The following TMEM50B variants were observed in gnomAD, a reference collection of about 807,000 sequenced individuals.
TMEM50B encodes HCV p7-trans-regulated protein 3.
TMEM50B carries 14 observed loss-of-function variants against 23.4 expected under a neutral mutation model. That is an observed-to-expected ratio of 0.60 (90% CI 0.39 to 0.93). The LOEUF (loss-of-function observed/expected upper bound fraction) is 0.93. Ranked by LOEUF, TMEM50B falls within the 40% of genes least tolerant of loss-of-function variation. The pLI, the probability that TMEM50B is intolerant of heterozygous loss-of-function variation, is 0.00. For missense variants in TMEM50B, 159 were observed against 193.0 expected (o/e 0.82, Z 1.04); for synonymous variants, 64 against 62.3 (o/e 1.03, Z -0.13).
At chr21:33,456,893 A>T (rs1189285181) in intron 5 of TMEM50B, among the ~76,000 whole-genome samples, 1 of 152,246 alleles carries the variant, frequency 6.6e-6, no homozygotes, top group Non-Finnish European at 1.5e-5. Flanking sequence ...AAATCTGTAC[A>T]GTAAAAGATT....
chr21:33,461,566 G>T (rs894105432), intron 4 of TMEM50B, among the ~76,000 whole-genome samples: 4 of 152,096 alleles, frequency 2.6e-5, no homozygotes, highest in Non-Finnish European at 5.9e-5. Context: ...AAATTTGGGA[G>T]GCCAAGGTGG....
In TMEM50B at chr21:33,443,402, T is replaced by TC. The variant is rs747819481; in HGVS notation, c.*2037-4106dup. On this transcript the variant is annotated intron_variant and NMD_transcript_variant, in intron 7 of 8. Transcript: ENST00000420455. ...CCAGTAGTCGGGGCTGTGGGTACAT[T>TC]CCTGTAGGCTGTGCACCGCACAACC... is the stretch of plus-strand genomic sequence containing the variant. Among the ~76,000 whole-genome samples, 222 of 114,892 alleles carry TC rather than the reference T, an allele frequency of 1.9e-3. 1 individual carries two copies. Among genetic ancestry groups the TC allele is most frequent in the Admixed American group, 2.5e-3 (26 of 10,360 alleles). 75.4% of individuals were successfully genotyped at this position (114,892 alleles called of 152,430 possible). A position where few individuals can be genotyped will look rare whatever the true frequency, so the allele number is the denominator to read the frequency against.
chr21:33,467,168 C>T (rs2084272208), intron 2 of TMEM50B, 46 bp from the exon 3 acceptor site: 1 of 1,470,910 alleles, frequency 6.8e-7, no homozygotes, highest in African/African-American at 1.4e-5. Context: ...CTCTTGCTAG[C>T]ACAATACCTG....
rs913592717 is a variant in TMEM50B at position 33,465,188 on chromosome 21, G to A, written c.280+154C>T. On this transcript the variant is annotated intron_variant, in intron 4 of 6. Coordinates refer to ENST00000542230, the MANE Select transcript of TMEM50B (RefSeq NM_006134.7). Reference sequence around the variant, plus strand: ...TCTAGCAATAACTTACTTTCTTAAGGATTTGAATAACACTAAAACTTTGTT... The same window carrying A: ...TCTAGCAATAACTTACTTTCTTAAGAATTTGAATAACACTAAAACTTTGTT... The A allele has an allele frequency of 4.2e-5, 22 of 524,740 alleles. 1 individual carries two copies. The South Asian group carries it at 7.9e-4, about 19-fold the overall frequency. 32.5% of individuals were successfully genotyped at this position (524,740 alleles called of 1,614,324 possible). A position where few individuals can be genotyped will look rare whatever the true frequency, so the allele number is the denominator to read the frequency against.
rs904711427 is a variant in TMEM50B at position 33,465,324 on chromosome 21, A to G, written c.280+18T>C. 11 of 1,607,328 alleles carry G rather than the reference A, an allele frequency of 6.8e-6. No individual in the cohort carries two copies. The highest frequency in any genetic ancestry group is 8.5e-6 in the Non-Finnish European group (10 of 1,175,792). On this transcript the variant is annotated intron_variant, in intron 4 of 6. Transcript: ENST00000542230. Reference sequence around the variant, plus strand: ...TTCTGTTTTGTCAACACCCATTAACAGCTCAAAGTATCTTTACCTGTTCTT... The same window carrying G: ...TTCTGTTTTGTCAACACCCATTAACGGCTCAAAGTATCTTTACCTGTTCTT...
chr21:33,453,568 G>A (rs2834225), intron 6 of TMEM50B, among the ~76,000 whole-genome samples: 88,977 of 151,614 alleles, frequency 0.59, 28,150 homozygotes, highest in East Asian at 0.83. Flanking sequence ...TAATGGCTGA[G>A]AAGAATCTAG....
downstream of TMEM50B, among the ~76,000 whole-genome samples, chr21:33,445,715 T>C (rs2084047430): frequency 6.6e-6 from 1 of 152,094 alleles, no homozygotes; most frequent in African/African-American, 2.4e-5. Flanking sequence ...CGAGAATGGC[T>C]TGAACCCAGG....
chr21:33,441,559 G>C (rs1212456235), intron 7 of TMEM50B, among the ~76,000 whole-genome samples: 1 of 152,198 alleles, frequency 6.6e-6, no homozygotes, highest in Non-Finnish European at 1.5e-5. Flanking sequence ...CCTCATAGAA[G>C]TGTTTGTTGT....
At chr21:33,456,067 T>C in intron 5 of TMEM50B, 1 of 641,812 alleles carries the variant, frequency 1.6e-6, no homozygotes, top group Non-Finnish European at 3.0e-6. Context: ...GAGGAAGCAG[T>C]AACTTGCTCC....
intron 4 of TMEM50B, among the ~76,000 whole-genome samples, chr21:33,462,776 T>A (rs2084228341): frequency 6.6e-6 from 1 of 152,224 alleles, no homozygotes; most frequent in Non-Finnish European, 1.5e-5. Flanking sequence ...ACATCTTCAC[T>A]TGCTAATATA....
At chr21:33,468,712 G>T in intron 2 of TMEM50B, 75 bp downstream of exon 2, 1 of 1,194,080 alleles carries the variant, frequency 8.4e-7, no homozygotes, top group Non-Finnish European at 1.2e-6. Context: ...GCCATTCTCA[G>T]TTCAAAGGAA....
At chr21:33,432,744 T>A in exon 9 of TMEM50B, 2 of 1,614,176 alleles carry the variant, frequency 1.2e-6, no homozygotes, top group Non-Finnish European at 1.7e-6. Context: ...GTCATCCTGA[T>A]CTCCGTGGGA....
intron 5 of TMEM50B, among the ~76,000 whole-genome samples, chr21:33,456,886 T>A (rs1432730268): frequency 1.3e-5 from 2 of 152,154 alleles, no homozygotes; most frequent in Admixed American, 6.5e-5. Flanking sequence ...TTCAAGCAAA[T>A]CTGTACAGTA....
intron 7 of TMEM50B, among the ~76,000 whole-genome samples, chr21:33,440,206 G>C (rs2083995527): frequency 6.6e-6 from 1 of 152,028 alleles, no homozygotes; most frequent in African/African-American, 2.4e-5. Flanking sequence ...TTTACATCTT[G>C]GAATAGTTAA....
In TMEM50B at chr21:33,449,140, CTG is replaced by C. The variant is rs1326688438; in HGVS notation, c.*1676_*1677del. On this transcript the variant is annotated 3_prime_UTR_variant, in exon 7 of 7. Coordinates refer to ENST00000542230, the MANE Select transcript of TMEM50B (RefSeq NM_006134.7). ...TTCTCCAACAAACAACAATATTAAA[CTG>C]TATGAGAAGTAATATTTATTGCAAC... is the stretch of plus-strand genomic sequence containing the variant. 6.6e-6 allele frequency: 1 copy of C among 152,080 alleles called. No homozygotes were observed. The highest frequency in any genetic ancestry group is 2.4e-5 in the African/African-American group (1 of 41,420). 9.4% of individuals were successfully genotyped at this position (152,080 alleles called of 1,614,324 possible).
intron 8 of TMEM50B, chr21:33,437,064 C>A: frequency 8.0e-7 from 1 of 1,251,562 alleles, no homozygotes; most frequent in Middle Eastern, 2.4e-4. Context: ...TTCCCTTTTG[C>A]TGCCTCTAAA....
intron 8 of TMEM50B, among the ~76,000 whole-genome samples, chr21:33,437,694 A>G (rs1226763089): frequency 6.6e-6 from 1 of 152,158 alleles, no homozygotes; most frequent in African/African-American, 2.4e-5. Context: ...GGTTATAAAG[A>G]AGGCCAGGGC....
rs1187663638 is a variant in TMEM50B, at chr21:33,449,176, A to G, written c.*1642T>C. Reference sequence around the variant, plus strand: ...GTAATATTTATTGCAACAGGTTATGAGGTGGAAACAAATAATTAGTCTTAC... The same window carrying G: ...GTAATATTTATTGCAACAGGTTATGGGGTGGAAACAAATAATTAGTCTTAC... On this transcript the variant is annotated 3_prime_UTR_variant, in exon 7 of 7. Transcript: ENST00000542230. 6.6e-6 allele frequency: 1 copy of G among 152,230 alleles called. No individual in the cohort carries two copies. Among genetic ancestry groups the G allele is most frequent in the Admixed American group, 6.5e-5 (1 of 15,276 alleles). 9.4% of individuals were successfully genotyped at this position (152,230 alleles called of 1,614,324 possible). A position where few individuals can be genotyped will look rare whatever the true frequency, so the allele number is the denominator to read the frequency against.
intron 5 of TMEM50B, among the ~76,000 whole-genome samples, chr21:33,458,234 C>A (rs1211349189): frequency 2.0e-5 from 3 of 152,192 alleles, no homozygotes; most frequent in African/African-American, 7.2e-5. Context: ...CACTTTCCGG[C>A]TGGGCACAGT....
Sources: gnomAD v4.1 joint callset for allele counts (sites outside exome capture counted in the v4.1 genomes callset) on GRCh38, gnomAD v4.1.1 for gene constraint, MANE v1.5 for transcripts, NCBI Gene and HGNC (gene_info 2026-07-23, HGNC 2026-07-21) for gene names.